Variants in AUTS2 observed in about 807,000 individuals in gnomAD.
AUTS2 encodes activator of transcription and developmental regulator AUTS2, also known as autism susceptibility gene 2 protein.
AUTS2 carries 17 observed loss-of-function variants against 112.4 expected under a neutral mutation model. That is an observed-to-expected ratio of 0.15 (90% confidence interval 0.10 to 0.23). The LOEUF (loss-of-function observed/expected upper bound fraction) is 0.23, where lower values mean the gene tolerates loss of function less well. Among genes scored for constraint, AUTS2 ranks in the 10% least tolerant of loss-of-function variants. The pLI, the probability that AUTS2 is intolerant of heterozygous loss-of-function variation, is 1.00. For missense variants in AUTS2, 1,510 were observed against 1,701.6 expected (o/e 0.89, Z 1.98); for synonymous variants, 751 against 702.7 (o/e 1.07, Z -1.09).
chr7:70,544,381 A>G (rs1012222426), intron 5 of AUTS2, among the ~76,000 whole-genome samples: 6 of 152,198 alleles, frequency 3.9e-5, no homozygotes, highest in African/African-American at 7.2e-5. Flanking sequence ...AAACTGACAA[A>G]TCTGTTTGTT....
In AUTS2 at chr7:69,887,686, A is replaced by G. The variant is rs546704126; in HGVS notation, c.310-11600A>G. 1.4e-4 allele frequency among the ~76,000 whole-genome samples: 22 copies of G among 152,320 alleles called. No individual in the cohort carries two copies. The South Asian group carries it at 2.9e-3, about 20-fold the overall frequency. Reference sequence around the variant, plus strand: ...TGTGACTTATTACTAATCAGGATCAATTTGAAGATCTGAATAGATTTTCAC... The same window carrying G: ...TGTGACTTATTACTAATCAGGATCAGTTTGAAGATCTGAATAGATTTTCAC... On this transcript the variant is annotated intron_variant, in intron 1 of 18. Transcript: ENST00000342771.
At chr7:69,707,057 G>C (rs1410498911) in intron 1 of AUTS2, among the ~76,000 whole-genome samples, 1 of 152,122 alleles carries the variant, frequency 6.6e-6, no homozygotes, top group Non-Finnish European at 1.5e-5. Flanking sequence ...TCTGTATAGA[G>C]AACACCTGAA....
chr7:69,990,451 A>G (rs10452739), intron 2 of AUTS2, among the ~76,000 whole-genome samples: 12,498 of 152,208 alleles, frequency 0.082, 652 homozygotes, highest in African/African-American at 0.14. Context: ...AGGTGAGGCC[A>G]TTTCACACTT....
chr7:70,444,591 G>A (rs922691867), intron 5 of AUTS2, among the ~76,000 whole-genome samples: 1 of 152,072 alleles, frequency 6.6e-6, no homozygotes, highest in African/African-American at 2.4e-5. Flanking sequence ...TTTAATTAAA[G>A]TTACAGCTGG....
At chr7:70,777,966 G>A (rs1019042069) in intron 14 of AUTS2, among the ~76,000 whole-genome samples, 7 of 152,136 alleles carry the variant, frequency 4.6e-5, no homozygotes, top group African/African-American at 1.4e-4. Flanking sequence ...AGATGATGCC[G>A]CTGAACTGTC....
chr7:70,679,085 G>C (rs1171760447), intron 5 of AUTS2, among the ~76,000 whole-genome samples: 1 of 152,116 alleles, frequency 6.6e-6, no homozygotes, highest in Non-Finnish European at 1.5e-5. Flanking sequence ...AGCATAATGA[G>C]AGACAAAGGA....
intron 4 of AUTS2, among the ~76,000 whole-genome samples, chr7:70,259,686 T>C (rs1262900465): frequency 6.6e-6 from 1 of 152,224 alleles, no homozygotes; most frequent in Admixed American, 6.5e-5. Context: ...AGGGATGGGC[T>C]GAAAAGAATA....
intron 11 of AUTS2, 149 bp downstream of exon 11, chr7:70,771,793 C>CT (rs879418570): frequency 1.7e-4 from 91 of 542,050 alleles, no homozygotes; most frequent in Admixed American, 8.3e-4. Context: ...GCCTATTTTT[C>CT]TTTTTTTTCC....
At chr7:70,708,868 A>G (rs921383579) in intron 6 of AUTS2, among the ~76,000 whole-genome samples, 1 of 152,006 alleles carries the variant, frequency 6.6e-6, no homozygotes, top group African/African-American at 2.4e-5. Flanking sequence ...ACCTATCAAT[A>G]CAGTCCACTT....
intron 1 of AUTS2, among the ~76,000 whole-genome samples, chr7:69,707,557 A>T (rs144051977): frequency 3.7e-4 from 56 of 152,328 alleles, no homozygotes; most frequent in African/African-American, 1.3e-3. Flanking sequence ...GAAATATCTT[A>T]ATCATTAGAT....
At chr7:70,152,354 A>C (rs1053306924) in intron 4 of AUTS2, among the ~76,000 whole-genome samples, 1 of 152,262 alleles carries the variant, frequency 6.6e-6, no homozygotes, top group East Asian at 1.9e-4. Flanking sequence ...AAAACCAATA[A>C]GAAAGGGAAA....
intron 5 of AUTS2, among the ~76,000 whole-genome samples, chr7:70,639,609 C>A (rs1245780288): frequency 1.1e-5 from 1 of 89,126 alleles, no homozygotes; most frequent in Non-Finnish European, 2.0e-5. Flanking sequence ...AGAGCGAGAC[C>A]CTGTCTCAAA....
intron 2 of AUTS2, among the ~76,000 whole-genome samples, chr7:70,044,144 C>G (rs1801395738): frequency 6.6e-6 from 1 of 152,196 alleles, no homozygotes; most frequent in Admixed American, 6.5e-5. Context: ...GCTCCCAGCA[C>G]AGCCCCTCCT....
At chr7:69,809,036 T>C (rs1790428469) in intron 1 of AUTS2, among the ~76,000 whole-genome samples, 1 of 152,164 alleles carries the variant, frequency 6.6e-6, no homozygotes, top group South Asian at 2.1e-4. Flanking sequence ...CTGAGGCTTT[T>C]GGTGGGGAAT....
intron 2 of AUTS2, among the ~76,000 whole-genome samples, chr7:70,041,628 T>C (rs1801251388): frequency 6.6e-6 from 1 of 152,216 alleles, no homozygotes. Flanking sequence ...GCAGACACTC[T>C]TGGGTATGTA....
intron 6 of AUTS2, among the ~76,000 whole-genome samples, chr7:70,730,936 A>G (rs1302427240): frequency 6.6e-6 from 1 of 152,208 alleles, no homozygotes; most frequent in African/African-American, 2.4e-5. Flanking sequence ...GTTTCTGTTT[A>G]TAGTCGGTGT....
Position 70,786,058 on chromosome 7 carries a change from A to G in AUTS2, c.2308+20A>G, listed in dbSNP as rs777965509. 1.2e-5 allele frequency: 20 copies of G among 1,606,026 alleles called. No individual in the cohort carries two copies. Among genetic ancestry groups the G allele is most frequent in the Non-Finnish European group, 1.6e-5 (19 of 1,172,904 alleles). On this transcript the variant is annotated intron_variant, in intron 17 of 18. Transcript: ENST00000342771. Reference sequence around the variant, plus strand: ...CCGTTAGTGAGTACCTCTAACTTTTAAAAATCTGCCTTGGACTTTTTATCT... The same window carrying G: ...CCGTTAGTGAGTACCTCTAACTTTTGAAAATCTGCCTTGGACTTTTTATCT...
Position 70,696,337 on chromosome 7 carries a change from T to C in AUTS2, c.691-2232T>C, listed in dbSNP as rs115702246. ...GTTTTCACGGTCAGCCAGAGCCCCA[T>C]TGCAGTCGTCATCTTTTGGGTGTTT... On this transcript the variant is annotated intron_variant, in intron 5 of 18. Transcript: ENST00000342771. 9.6e-4 allele frequency among the ~76,000 whole-genome samples: 146 copies of C among 152,284 alleles called. 1 individual carries two copies. The highest frequency in any genetic ancestry group is 3.5e-3 in the African/African-American group (144 of 41,556).
At chr7:70,152,630 A>G (rs1807506786) in intron 4 of AUTS2, among the ~76,000 whole-genome samples, 1 of 152,136 alleles carries the variant, frequency 6.6e-6, no homozygotes, top group Admixed American at 6.5e-5. Flanking sequence ...TGCACAATAT[A>G]TAAAGAGATC....
Sources: gnomAD v4.1 joint callset for allele counts (sites outside exome capture counted in the v4.1 genomes callset) on GRCh38, gnomAD v4.1.1 for gene constraint, MANE v1.5 for transcripts, NCBI Gene and HGNC (gene_info 2026-07-23, HGNC 2026-07-21) for gene names.